Variants in FAM161A observed in about 807,000 individuals in gnomAD.
FAM161A encodes the protein protein FAM161A.
A neutral mutation model predicts 70.9 loss-of-function variants in FAM161A; 57 were observed. The observed-to-expected ratio is 0.80, with a 90% CI of 0.65 to 1.00. The LOEUF (loss-of-function observed/expected upper bound fraction) is 1.00. Ranked by LOEUF, FAM161A falls within the 50% of genes least tolerant of loss-of-function variation. The pLI, the probability that FAM161A is intolerant of heterozygous loss-of-function variation, is 0.00. For synonymous variants in FAM161A, 299 were observed against 295.7 expected, an observed-to-expected ratio of 1.01 and a Z score of -0.12; for missense variants, 880 against 836.0, an observed-to-expected ratio of 1.05 and a Z score of -0.65.
chr2:61,810,294 A>C, the FAM161A span, among the ~76,000 whole-genome samples: 1 of 152,090 alleles, frequency 6.6e-6, no homozygotes, highest in East Asian at 1.9e-4. Flanking sequence ...GTGGGCAGTT[A>C]AAGCTAAATC....
chr2:61,843,374 G>A (rs1383197825), intron 1 of FAM161A, among the ~76,000 whole-genome samples: 1 of 152,056 alleles, frequency 6.6e-6, no homozygotes, highest in East Asian at 1.9e-4. Flanking sequence ...TGATCTACTC[G>A]CCTCGGCCTC....
intron 5 of FAM161A, among the ~76,000 whole-genome samples, chr2:61,833,513 A>G (rs889536723): frequency 3.3e-5 from 5 of 152,032 alleles, no homozygotes; most frequent in African/African-American, 1.2e-4. Flanking sequence ...CTGAATTCCG[A>G]TCTAACTGTG....
At chr2:61,842,596 TC>T (rs1673059556) in intron 1 of FAM161A, among the ~76,000 whole-genome samples, 1 of 152,258 alleles carries the variant, frequency 6.6e-6, no homozygotes, top group African/African-American at 2.4e-5. Context: ...TGTTATTTAA[TC>T]CATTTGATAA....
At chr2:61,803,386 A>G in the FAM161A span, 1 of 697,430 alleles carries the variant, frequency 1.4e-6, no homozygotes, top group African/African-American at 1.8e-5. Context: ...GACCTCAAGA[A>G]AGCAACAAAA....
rs1483583186 is a variant in FAM161A at position 61,826,008 on chromosome 2, G to A, written c.*447C>T. On this transcript the variant is annotated 3_prime_UTR_variant, in exon 7 of 7. Coordinates refer to ENST00000404929, the MANE Select transcript of FAM161A (RefSeq NM_001201543.2). Reference sequence around the variant, plus strand: ...GAGGATTTATTCTGTGAAATGCACTGCAGAGAAAAAGAATGGGCAAATAGT... The same window carrying A: ...GAGGATTTATTCTGTGAAATGCACTACAGAGAAAAAGAATGGGCAAATAGT... 4.4e-6 allele frequency: 2 copies of A among 454,350 alleles called. No individual in the cohort carries two copies. The highest frequency in any genetic ancestry group is 2.4e-5 in the Admixed American group (1 of 42,544). The allele number at this position is 454,350 out of a possible 1,614,324, so 28.1% of individuals were successfully genotyped here.
At chr2:61,800,950 T>A in the FAM161A span, among the ~76,000 whole-genome samples, 1 of 151,948 alleles carries the variant, frequency 6.6e-6, no homozygotes, top group African/African-American at 2.4e-5. Context: ...ATTACAAGCG[T>A]GCACCACCAC....
intron 2 of FAM161A, among the ~76,000 whole-genome samples, chr2:61,841,427 C>T (rs117318690): frequency 1.3e-5 from 2 of 152,304 alleles, no homozygotes; most frequent in East Asian, 1.9e-4. Flanking sequence ...CTTATTCCTC[C>T]TCCAAGACTG....
At chr2:61,814,796 G>A in the FAM161A span, among the ~76,000 whole-genome samples, 204 of 152,292 alleles carry the variant, frequency 1.3e-3, no homozygotes, top group Non-Finnish European at 2.2e-3. Context: ...TGTTGAGTGC[G>A]TATACTTGGC....
chr2:61,800,546 G>T, the FAM161A span, among the ~76,000 whole-genome samples: 3 of 152,188 alleles, frequency 2.0e-5, no homozygotes, highest in Non-Finnish European at 4.4e-5. Flanking sequence ...GCAGGAGGAA[G>T]AAGGGAAGGA....
chr2:61,842,077 C>T (rs1323971368), intron 2 of FAM161A, 45 bp downstream of exon 2: 20 of 1,192,164 alleles, frequency 1.7e-5, no homozygotes, highest in Non-Finnish European at 2.4e-5. Context: ...TTTAAGGATA[C>T]ATTTTATTTT....
chr2:61,835,117 T>C (rs895923611), intron 5 of FAM161A, among the ~76,000 whole-genome samples: 2 of 152,244 alleles, frequency 1.3e-5, no homozygotes, highest in African/African-American at 2.4e-5. Context: ...ACATGTCCAC[T>C]GTCCTCAATG....
At chr2:61,849,552 A>G (rs1332804273) in intron 1 of FAM161A, among the ~76,000 whole-genome samples, 1 of 152,086 alleles carries the variant, frequency 6.6e-6, no homozygotes, top group Non-Finnish European at 1.5e-5. Context: ...TGGGAGGTCA[A>G]GGCTGGCGAA....
At chr2:61,802,383 G>C in the FAM161A span, among the ~76,000 whole-genome samples, 1 of 152,114 alleles carries the variant, frequency 6.6e-6, no homozygotes, top group African/African-American at 2.4e-5. Context: ...ATGGGTGTTA[G>C]TTATTATAAG....
chr2:61,814,952 A>C, the FAM161A span, among the ~76,000 whole-genome samples: 4 of 152,116 alleles, frequency 2.6e-5, no homozygotes, highest in East Asian at 7.7e-4. Context: ...GAGATGCCGG[A>C]ATTTCTCGTG....
At chr2:61,813,733 A>AG in the FAM161A span, among the ~76,000 whole-genome samples, 1 of 133,276 alleles carries the variant, frequency 7.5e-6, no homozygotes, top group Non-Finnish European at 1.7e-5. Flanking sequence ...AAAAAAAAAA[A>AG]AAGAAAAAAG....
At chr2:61,844,874 C>T (rs1673149232) in intron 1 of FAM161A, among the ~76,000 whole-genome samples, 1 of 152,140 alleles carries the variant, frequency 6.6e-6, no homozygotes, top group Admixed American at 6.5e-5. Context: ...CAATGTCAGA[C>T]ACTAAGAGAC....
At chr2:61,810,652 G>T in the FAM161A span, among the ~76,000 whole-genome samples, 1 of 151,582 alleles carries the variant, frequency 6.6e-6, no homozygotes, top group East Asian at 1.9e-4. Context: ...TAAAGAGGGG[G>T]TTTCTCCATG....
chr2:61,850,006 A>C (rs1673443723), intron 1 of FAM161A, among the ~76,000 whole-genome samples: 1 of 152,104 alleles, frequency 6.6e-6, no homozygotes, highest in African/African-American at 2.4e-5. Flanking sequence ...GCGTAGGTTG[A>C]AAAACTATCT....
chr2:61,812,775 AAAG>A, the FAM161A span, among the ~76,000 whole-genome samples: 2 of 151,798 alleles, frequency 1.3e-5, no homozygotes, highest in Admixed American at 1.3e-4. Context: ...TCCATACTTT[AAAG>A]AAGAATACTG....
Sources: allele counts gnomAD v4.1 joint callset (sites outside exome capture counted in the v4.1 genomes callset), GRCh38; gene constraint gnomAD v4.1.1; transcripts MANE v1.5; gene names NCBI Gene and HGNC (gene_info 2026-07-23, HGNC 2026-07-21).